Variants in MYL3 observed in about 807,000 individuals in gnomAD.
MYL3 encodes the protein CMLC1.
MYL3 carries 11 observed loss-of-function variants against 21.3 expected under a neutral mutation model. The observed-to-expected ratio is 0.52, with a 90% CI of 0.32 to 0.85. MYL3 has a LOEUF of 0.85. Ranked by LOEUF, MYL3 falls within the 40% of genes least tolerant of loss-of-function variation. MYL3 has a pLI of 0.03. For synonymous variants in MYL3, 88 were observed against 91.6 expected (o/e 0.96, Z 0.22); for missense variants, 206 against 253.3 (o/e 0.81, Z 1.27).
At chr3:46,865,536 G>A (rs74786239), upstream of MYL3, among the ~76,000 whole-genome samples, 1,760 of 152,286 alleles carry the variant, frequency 0.012, 39 homozygotes, top group African/African-American at 0.04. This position sits in a 1 kb window ranked among gnomAD's most constrained non-coding sequence, Gnocchi z 4.3. Context: ...TTCATCATGA[G>A]GGAAGCAGAG....
rs1701994417 is a variant in MYL3, at chr3:46,861,716, C to T, written c.130-729G>A. On this transcript the variant is annotated intron_variant, in intron 1 of 6. Coordinates refer to ENST00000292327, the MANE Select transcript of MYL3 (RefSeq NM_000258.3). The surrounding 1 kb of genome is among the most constrained non-coding windows in gnomAD (Gnocchi z 4.2). Reference sequence around the variant, plus strand: ...ACCTTGATTGACGTCAATCAAGAGGCCTCCCGGGATCCAGTGTCCCCCTCC... The same window carrying T: ...ACCTTGATTGACGTCAATCAAGAGGTCTCCCGGGATCCAGTGTCCCCCTCC... 6.6e-6 allele frequency among the ~76,000 whole-genome samples: 1 copy of T among 152,120 alleles called. No homozygotes were observed. Among genetic ancestry groups the T allele is most frequent in the Admixed American group, 6.5e-5 (1 of 15,276 alleles).
rs756462246 is a variant in MYL3, at chr3:46,857,955, G to A, written c.*160C>T. 1.9e-6 allele frequency: 1 copy of A among 536,432 alleles called. No individual in the cohort carries two copies. The highest frequency in any genetic ancestry group is 2.0e-5 in the South Asian group (1 of 49,214). The allele number at this position is 536,432 out of a possible 1,614,324, so 33.2% of individuals were successfully genotyped here. A position where few individuals can be genotyped will look rare whatever the true frequency, so the allele number is the denominator to read the frequency against. On this transcript the variant is annotated 3_prime_UTR_variant, in exon 7 of 7. Coordinates refer to ENST00000292327, the MANE Select transcript of MYL3 (RefSeq NM_000258.3). The surrounding 1 kb of genome is among the most constrained non-coding windows in gnomAD (Gnocchi z 5.0). ...GTCACAGGTAAGCACAGCCTGAGAG[G>A]GGCCAGAGACGGCAACCACGTGGAG...
chr3:46,859,697 C>T lies in MYL3; in HGVS notation c.308-49G>A, dbSNP rs1303456680. ...CCAGGGTCTAAGGCTGGGGTGGGCA[C>T]ACCCCTCCCCCATGCCTGATAATGA... On this transcript the variant is annotated intron_variant, in intron 3 of 6. Transcript: ENST00000292327. The surrounding 1 kb of genome is among the most constrained non-coding windows in gnomAD (Gnocchi z 4.1). 10 of 1,601,684 alleles carry T rather than the reference C, an allele frequency of 6.2e-6. No individual in the cohort carries two copies. In the African/African-American group the frequency reaches 9.4e-5, roughly 15 times the overall value.
chr3:46,870,817 T>G (rs1228145942), intron 1 of MYL3, among the ~76,000 whole-genome samples: 1 of 152,074 alleles, frequency 6.6e-6, no homozygotes, highest in Non-Finnish European at 1.5e-5. Context: ...TTTCCACCAG[T>G]ACTGGGACAG....
intron 1 of MYL3, among the ~76,000 whole-genome samples, chr3:46,873,570 G>A (rs897150201): frequency 7.9e-5 from 12 of 152,196 alleles, no homozygotes; most frequent in African/African-American, 2.4e-4. Flanking sequence ...GTTTAAGGGC[G>A]GGGGTGGTCA....
intron 1 of MYL3, among the ~76,000 whole-genome samples, chr3:46,868,588 G>A (rs1193440173): frequency 6.6e-6 from 1 of 152,182 alleles, no homozygotes; most frequent in African/African-American, 2.4e-5. Flanking sequence ...GGGCTGTGGT[G>A]TCCTGGCCGG....
At position 46,858,372 on chromosome 3, in the gene MYL3, T is replaced by TTCATA; in HGVS notation, c.559+11_559+12insTATGA. The TTCATA allele has an allele frequency of 6.2e-7, 1 of 1,614,116 alleles. No individual in the cohort carries two copies. Among genetic ancestry groups the TTCATA allele is most frequent in the Non-Finnish European group, 8.5e-7 (1 of 1,180,018 alleles). ...TCCCCTCCCAGAAGACCCCTGCCCC[T>TTCATA]GCTGAGCCCACCTTCATAGTTGATG... On this transcript the variant is annotated intron_variant, in intron 5 of 6. Transcript: ENST00000292327.
chr3:46,870,857 CA>C (rs1702102690), intron 1 of MYL3, among the ~76,000 whole-genome samples: 1 of 152,062 alleles, frequency 6.6e-6, no homozygotes, highest in South Asian at 2.1e-4. Flanking sequence ...TGTGTGTGCA[CA>C]CGTAGCTTCC....
intron 1 of MYL3, among the ~76,000 whole-genome samples, chr3:46,877,450 C>T (rs181457831): frequency 1.1e-4 from 17 of 152,256 alleles, no homozygotes; most frequent in Non-Finnish European, 2.4e-4. Flanking sequence ...AAGAGAGAGG[C>T]ATGGCAGGGC....
intron 1 of MYL3, among the ~76,000 whole-genome samples, chr3:46,871,668 C>A (rs1402677575): frequency 6.6e-6 from 1 of 152,138 alleles, no homozygotes; most frequent in East Asian, 1.9e-4. Flanking sequence ...TGTGTAATAA[C>A]CCCCTCAGAC....
upstream of MYL3, among the ~76,000 whole-genome samples, chr3:46,866,028 C>T (rs1220830097): frequency 6.6e-6 from 1 of 151,542 alleles, no homozygotes; most frequent in Non-Finnish European, 1.5e-5. Flanking sequence ...TCTTCAGGAC[C>T]AGCCAGAGCC....
At chr3:46,877,164 T>C (rs1476208757) in intron 1 of MYL3, among the ~76,000 whole-genome samples, 1 of 152,060 alleles carries the variant, frequency 6.6e-6, no homozygotes, top group Non-Finnish European at 1.5e-5. Context: ...TGTGGGGCTG[T>C]AGGGGTCAGG....
chr3:46,881,950 T>C (rs2030601310), intron 1 of MYL3: 1 of 151,416 alleles, frequency 6.6e-6, no homozygotes, highest in African/African-American at 2.4e-5. Context: ...GGCCGGATGA[T>C]CAAGGGAAAA....
At position 46,859,958 on chromosome 3, in the gene MYL3, C is replaced by T. The variant is rs930489085; in HGVS notation, c.308-310G>A. On this transcript the variant is annotated intron_variant, in intron 3 of 6. Transcript: ENST00000292327. The surrounding 1 kb of genome is among the most constrained non-coding windows in gnomAD (Gnocchi z 4.1). Reference sequence around the variant, plus strand: ...TACTTTTGGGAAACAGTCCTCCCCTCGTGGCATTTTCTTATAGACCTCACC... The same window carrying T: ...TACTTTTGGGAAACAGTCCTCCCCTTGTGGCATTTTCTTATAGACCTCACC... Among the ~76,000 whole-genome samples the T allele has an allele frequency of 6.6e-5, 10 of 152,182 alleles. No homozygotes were observed. The highest frequency in any genetic ancestry group is 2.2e-4 in the African/African-American group (9 of 41,460).
chr3:46,868,513 G>T (rs1298840562), intron 1 of MYL3, among the ~76,000 whole-genome samples: 3 of 152,234 alleles, frequency 2.0e-5, no homozygotes, highest in African/African-American at 7.2e-5. Context: ...GGCAAACCCT[G>T]GTTTTGGCCC....
chr3:46,868,346 A>T (rs958979043), upstream of MYL3, among the ~76,000 whole-genome samples: 4 of 152,092 alleles, frequency 2.6e-5, no homozygotes. Context: ...GTCCCAGCCC[A>T]TCCTCACTAC....
intron 1 of MYL3, among the ~76,000 whole-genome samples, chr3:46,880,825 T>G (rs1228155241): frequency 6.6e-6 from 1 of 152,164 alleles, no homozygotes; most frequent in Admixed American, 6.5e-5. Context: ...GGAAGCTGGA[T>G]GGGCTTGAGC....
rs1392910711 is a variant in MYL3 at position 46,879,307 on chromosome 3, G to C, written c.-218+2767C>G. Among the ~76,000 whole-genome samples, 3 of 152,196 alleles carry C rather than the reference G, an allele frequency of 2.0e-5. No homozygotes were observed. The highest frequency in any genetic ancestry group is 7.2e-5 in the African/African-American group (3 of 41,452). On this transcript the variant is annotated intron_variant, in intron 1 of 3. Coordinates refer to the MYL3 transcript ENST00000431168. This position sits in a 1 kb window ranked among gnomAD's most constrained non-coding sequence, Gnocchi z 4.7. Reference sequence around the variant, plus strand: ...TCAAGTTTTCCCTGGTGTCAGATCTGAAAAGAACTCCTCCCCTCAGCCTCT... The same window carrying C: ...TCAAGTTTTCCCTGGTGTCAGATCTCAAAAGAACTCCTCCCCTCAGCCTCT...
In MYL3 at chr3:46,860,149, G is replaced by A. The variant is rs765373075; in HGVS notation, c.308-501C>T. On this transcript the variant is annotated intron_variant, in intron 3 of 6. Coordinates refer to ENST00000292327, the MANE Select transcript of MYL3 (RefSeq NM_000258.3). The surrounding 1 kb of genome is among the most constrained non-coding windows in gnomAD (Gnocchi z 4.6). ...CATTCATTTATTTATTTTTAGACACGAGGTCTTCTTGTTACGTCACACAGA... is the reference window on the plus strand; with the variant it reads ...CATTCATTTATTTATTTTTAGACACAAGGTCTTCTTGTTACGTCACACAGA... Among the ~76,000 whole-genome samples the A allele has an allele frequency of 2.0e-5, 3 of 151,020 alleles. No individual in the cohort carries two copies. Among genetic ancestry groups the A allele is most frequent in the East Asian group, 1.9e-4 (1 of 5,148 alleles).
Sources: gnomAD v4.1 joint callset for allele counts (sites outside exome capture counted in the v4.1 genomes callset) on GRCh38, gnomAD v4.1.1 for gene constraint, Gnocchi (gnomAD v3.1) non-coding constraint, MANE v1.5 for transcripts, NCBI Gene and HGNC (gene_info 2026-07-23, HGNC 2026-07-21) for gene names.